Variants in KCNIP4 observed in about 807,000 individuals in gnomAD.
KCNIP4 encodes Kv channel-interacting protein 4.
Under a neutral mutation model 34.0 loss-of-function variants are expected in KCNIP4, and 12 were observed. The ratio of observed to expected loss-of-function variants is 0.35; its 90% CI spans 0.23 to 0.57. The LOEUF (loss-of-function observed/expected upper bound fraction) is 0.57, where lower values mean the gene tolerates loss of function less well. Among genes scored for constraint, KCNIP4 ranks in the 20% least tolerant of loss-of-function variants. The probability of loss-of-function intolerance (pLI) is 0.83; values close to 1 mark genes in which losing one functional copy is unlikely to be tolerated. For missense variants in KCNIP4, 238 were observed against 311.7 expected, an observed-to-expected ratio of 0.76 and a Z score of 1.78; for synonymous variants, 124 against 102.2, an observed-to-expected ratio of 1.21 and a Z score of -1.29.
chr4:20,850,200 A>C (rs1248569140), intron 3 of KCNIP4: 1 of 174,164 alleles, frequency 5.7e-6, no homozygotes, highest in Non-Finnish European at 1.2e-5. Context: ...TCAAGATTCA[A>C]GTCAAGCACC....
chr4:21,670,475 G>A (rs1056224889), intron 1 of KCNIP4, among the ~76,000 whole-genome samples: 4 of 151,226 alleles, frequency 2.6e-5, no homozygotes, highest in East Asian at 2.0e-4. Context: ...AATGCTAGAT[G>A]ACGAGTTAGT....
At chr4:21,149,842 CA>C (rs1262817379) in intron 1 of KCNIP4, among the ~76,000 whole-genome samples, 1 of 151,974 alleles carries the variant, frequency 6.6e-6, no homozygotes, top group East Asian at 1.9e-4. Flanking sequence ...AATAAAAAAG[CA>C]GGAATAAAAT....
intron 1 of KCNIP4, among the ~76,000 whole-genome samples, chr4:21,338,782 C>T (rs1388319256): frequency 1.3e-5 from 2 of 151,922 alleles, no homozygotes; most frequent in Non-Finnish European, 2.9e-5. Flanking sequence ...TGGCCCAGAT[C>T]AAATACCACA....
intron 1 of KCNIP4, among the ~76,000 whole-genome samples, chr4:21,092,750 C>A (rs1225668754): frequency 1.3e-5 from 2 of 152,294 alleles, no homozygotes; most frequent in African/African-American, 2.4e-5. Context: ...AAACAAACAG[C>A]CAGGTGGCCC....
At chr4:21,688,269 C>T (rs1750964725) in intron 1 of KCNIP4, among the ~76,000 whole-genome samples, 1 of 152,148 alleles carries the variant, frequency 6.6e-6, no homozygotes, top group African/African-American at 2.4e-5. Flanking sequence ...TCAATGGACA[C>T]TCAAAGAAAA....
intron 1 of KCNIP4, among the ~76,000 whole-genome samples, chr4:21,094,893 CAGGA>C (rs1747329662): frequency 6.6e-6 from 1 of 152,166 alleles, no homozygotes; most frequent in South Asian, 2.1e-4. Context: ...CAAGTTTACA[CAGGA>C]AGGAAGTGCC....
At chr4:21,641,425 C>A (rs1431103181) in intron 1 of KCNIP4, among the ~76,000 whole-genome samples, 2 of 152,172 alleles carry the variant, frequency 1.3e-5, no homozygotes, top group African/African-American at 2.4e-5. Flanking sequence ...GGCAGCAGAA[C>A]CCCGAGTAGT....
chr4:20,894,171 G>A (rs1434797471), intron 1 of KCNIP4, among the ~76,000 whole-genome samples: 1 of 152,098 alleles, frequency 6.6e-6, no homozygotes, highest in Non-Finnish European at 1.5e-5. Flanking sequence ...GTGAGCCACC[G>A]GGTTGAAGCA....
At chr4:20,854,878 C>A (rs538288175) in intron 2 of KCNIP4, among the ~76,000 whole-genome samples, 1 of 152,218 alleles carries the variant, frequency 6.6e-6, no homozygotes, top group East Asian at 1.9e-4. Context: ...AAATATTGTA[C>A]TTTGCTTTGT....
At chr4:21,715,056 T>C (rs369704355) in intron 1 of KCNIP4, among the ~76,000 whole-genome samples, 1 of 56,104 alleles carries the variant, frequency 1.8e-5, no homozygotes, top group African/African-American at 1.8e-4. Flanking sequence ...TTTATTTTAT[T>C]TTATTTTATT....
chr4:21,348,381 T>G (rs1262710762), intron 1 of KCNIP4, among the ~76,000 whole-genome samples: 1 of 152,188 alleles, frequency 6.6e-6, no homozygotes, highest in Admixed American at 6.5e-5. Context: ...AATCAGAGTG[T>G]TGGCAAATAG....
At chr4:20,961,566 A>T (rs1327854885) in intron 1 of KCNIP4, among the ~76,000 whole-genome samples, 1 of 152,234 alleles carries the variant, frequency 6.6e-6, no homozygotes, top group South Asian at 2.1e-4. Context: ...ATTGATATAG[A>T]TAACTCAATT....
chr4:21,639,095 G>A (rs1746425037), intron 1 of KCNIP4, among the ~76,000 whole-genome samples: 1 of 152,156 alleles, frequency 6.6e-6, no homozygotes, highest in Non-Finnish European at 1.5e-5. Context: ...TTAAGTTCTT[G>A]ACAGAACTAT....
intron 1 of KCNIP4, among the ~76,000 whole-genome samples, chr4:21,277,616 C>T (rs961224253): frequency 5.3e-5 from 8 of 152,012 alleles, no homozygotes; most frequent in African/African-American, 1.4e-4. Context: ...TAAAGAAATA[C>T]GTTTTAGAAG....
chr4:21,719,261 C>T (rs543291268), intron 1 of KCNIP4, among the ~76,000 whole-genome samples: 2 of 152,262 alleles, frequency 1.3e-5, no homozygotes, highest in African/African-American at 4.8e-5. Context: ...CACCCAGGAA[C>T]TCTGAAATGA....
chr4:20,914,187 A>G (rs1728594520), intron 1 of KCNIP4, among the ~76,000 whole-genome samples: 1 of 152,082 alleles, frequency 6.6e-6, no homozygotes, highest in South Asian at 2.1e-4. Flanking sequence ...AAGAAACAGT[A>G]CCAGGCATTC....
intron 1 of KCNIP4, among the ~76,000 whole-genome samples, chr4:21,783,218 T>C (rs1719683709): frequency 6.6e-6 from 1 of 152,300 alleles, no homozygotes; most frequent in Admixed American, 6.5e-5. Context: ...TGGAGGAAAC[T>C]AAGTGAAGGC....
At chr4:21,470,751 G>A (rs1730391046) in intron 1 of KCNIP4, among the ~76,000 whole-genome samples, 1 of 152,152 alleles carries the variant, frequency 6.6e-6, no homozygotes, top group Non-Finnish European at 1.5e-5. Context: ...AAAAGCCACA[G>A]GGAGAAGCAG....
At chr4:20,950,992 T>C (rs1409196300) in intron 1 of KCNIP4, among the ~76,000 whole-genome samples, 4 of 152,192 alleles carry the variant, frequency 2.6e-5, no homozygotes, top group African/African-American at 9.7e-5. Flanking sequence ...AGTGTGGCTG[T>C]ATTTGAAGAT....
Sources: allele counts gnomAD v4.1 joint callset (sites outside exome capture counted in the v4.1 genomes callset), GRCh38; gene constraint gnomAD v4.1.1; transcripts MANE v1.5; gene names NCBI Gene and HGNC (gene_info 2026-07-23, HGNC 2026-07-21).